Variants in C4orf51 observed in about 807,000 individuals in gnomAD.
C4orf51 encodes chromosome 4 open reading frame 51.
A neutral mutation model predicts 25.2 loss-of-function variants in C4orf51; 25 were observed. The ratio of observed to expected loss-of-function variants is 0.99; its 90% CI spans 0.72 to 1.39. C4orf51 has a LOEUF of 1.39. Ranked by LOEUF, C4orf51 falls within the 40% of genes most tolerant of loss-of-function variation. C4orf51 has a pLI of 0.00. For synonymous variants in C4orf51, 100 were observed against 84.5 expected (o/e 1.18, Z -1.01); for missense variants, 252 against 239.6 (o/e 1.05, Z -0.34).
chr4:145,692,849 G>A (rs538030642), intron 1 of C4orf51, among the ~76,000 whole-genome samples: 5 of 151,620 alleles, frequency 3.3e-5, no homozygotes, highest in African/African-American at 1.2e-4. Context: ...TGCTTGCTTA[G>A]AGTATCATAT....
In C4orf51 at chr4:145,731,564, CTTTTTTTTTTT is replaced by C. The variant is rs398051305; in HGVS notation, c.502-866_502-856del. Among the ~76,000 whole-genome samples the C allele has an allele frequency of 1.1e-3, 50 of 43,880 alleles. 1 individual carries two copies. Among genetic ancestry groups the C allele is most frequent in the African/African-American group, 4.2e-3 (42 of 10,062 alleles). The allele number at this position is 43,880 out of a possible 152,430, so 28.8% of individuals were successfully genotyped here. A position where few individuals can be genotyped will look rare whatever the true frequency, so the allele number is the denominator to read the frequency against. Reference sequence around the variant, plus strand: ...TTTTTATTTATGAGACAAGGCAAATCTTTTTTTTTTTTTTTTTTTTTTTTTTTTTTTTTGAG... The same window carrying C: ...TTTTTATTTATGAGACAAGGCAAATCTTTTTTTTTTTTTTTTTTTTTTGAG... On this transcript the variant is annotated intron_variant, in intron 5 of 5. Transcript: ENST00000438731.
At chr4:145,686,156 G>A (rs1729140472) in intron 1 of C4orf51, among the ~76,000 whole-genome samples, 1 of 152,124 alleles carries the variant, frequency 6.6e-6, no homozygotes, top group Non-Finnish European at 1.5e-5. Flanking sequence ...AGTGAATAAA[G>A]TCAGACATAA....
intron 2 of C4orf51, among the ~76,000 whole-genome samples, chr4:145,699,014 G>T (rs1730257619): frequency 6.6e-6 from 1 of 151,690 alleles, no homozygotes; most frequent in Non-Finnish European, 1.5e-5. Context: ...ATTACCTTGT[G>T]AAAGTCCTTT....
At chr4:145,688,355 C>T (rs1483671394) in intron 1 of C4orf51, among the ~76,000 whole-genome samples, 1 of 152,152 alleles carries the variant, frequency 6.6e-6, no homozygotes, top group Non-Finnish European at 1.5e-5. Context: ...AAACCATGTT[C>T]ATGAATTGAA....
intron 1 of C4orf51, among the ~76,000 whole-genome samples, chr4:145,737,961 T>C (rs1370166698): frequency 1.3e-5 from 2 of 152,210 alleles, no homozygotes; most frequent in African/African-American, 4.8e-5. Context: ...TAAATTCATC[T>C]GTATAGTAAA....
rs748184909 is a variant in C4orf51, at chr4:145,765,121, T to C, written n.167-5867T>C. Reference sequence around the variant, plus strand: ...TGTATCTGCAGATGACGCTCAAACATGTTCTTCGTCTTGCAGACAAAGTTG... The same window carrying C: ...TGTATCTGCAGATGACGCTCAAACACGTTCTTCGTCTTGCAGACAAAGTTG... On this transcript the variant is annotated intron_variant and non_coding_transcript_variant, in intron 1 of 1. Transcript: ENST00000510096. The surrounding 1 kb of genome is among the most constrained non-coding windows in gnomAD (Gnocchi z 4.7). The C allele has an allele frequency of 7.4e-6, 12 of 1,613,938 alleles. No homozygotes were observed. The highest frequency in any genetic ancestry group is 2.2e-5 in the East Asian group (1 of 44,870).
At chr4:145,730,655 T>C (rs1732407143) in intron 5 of C4orf51, among the ~76,000 whole-genome samples, 1 of 151,928 alleles carries the variant, frequency 6.6e-6, no homozygotes, top group African/African-American at 2.4e-5. Flanking sequence ...TCATCCTAAG[T>C]AATTATGTTT....
intron 1 of C4orf51, among the ~76,000 whole-genome samples, chr4:145,766,703 C>G (rs1735356378): frequency 3.3e-5 from 5 of 152,192 alleles, no homozygotes; most frequent in Admixed American, 2.6e-4. Flanking sequence ...AAGAGACTAC[C>G]CATAGTTGGA....
At position 145,765,846 on chromosome 4, in the gene C4orf51, G is replaced by A. The variant is rs1257316753; in HGVS notation, n.167-5142G>A. 6.9e-6 allele frequency: 8 copies of A among 1,156,340 alleles called. No individual in the cohort carries two copies. The East Asian group carries it at 1.0e-4, about 15-fold the overall frequency. 71.6% of individuals were successfully genotyped at this position (1,156,340 alleles called of 1,614,324 possible). A position where few individuals can be genotyped will look rare whatever the true frequency, so the allele number is the denominator to read the frequency against. ...TCATGGATGCATCATCATTCTGGGG[G>A]CACAGGCTCATGTCCCCAGCTCCCC... On this transcript the variant is annotated intron_variant and non_coding_transcript_variant, in intron 1 of 1. Coordinates refer to the C4orf51 transcript ENST00000510096. This position sits in a 1 kb window ranked among gnomAD's most constrained non-coding sequence, Gnocchi z 4.7.
exon 2 of C4orf51, chr4:145,771,017 A>G (rs1207530322): frequency 2.0e-5 from 3 of 152,338 alleles, no homozygotes; most frequent in Non-Finnish European, 2.9e-5. Flanking sequence ...TTTTAGCTGT[A>G]TGTGTTTCCT....
intron 1 of C4orf51, among the ~76,000 whole-genome samples, chr4:145,739,901 C>T (rs1351561648): frequency 6.6e-6 from 1 of 152,148 alleles, no homozygotes; most frequent in Non-Finnish European, 1.5e-5. Context: ...TATGCATAGT[C>T]TCTGCCTGAG....
intron 1 of C4orf51, among the ~76,000 whole-genome samples, chr4:145,689,449 A>G (rs1729394354): frequency 6.6e-6 from 1 of 152,060 alleles, no homozygotes; most frequent in African/African-American, 2.4e-5. Flanking sequence ...ATTTGTAAAA[A>G]CTCTTACAAA....
intron 2 of C4orf51, among the ~76,000 whole-genome samples, chr4:145,712,796 A>C (rs1731204534): frequency 6.6e-6 from 1 of 152,276 alleles, no homozygotes; most frequent in Non-Finnish European, 1.5e-5. Context: ...GATGCCATCT[A>C]GAACTTTCAT....
chr4:145,744,205 G>A (rs147846845), intron 1 of C4orf51, among the ~76,000 whole-genome samples: 3 of 152,080 alleles, frequency 2.0e-5, no homozygotes, highest in East Asian at 1.9e-4. Flanking sequence ...ATCTTGGGGG[G>A]AGAAATGGTT....
chr4:145,750,412 GTT>G (rs55700691), intron 1 of C4orf51, among the ~76,000 whole-genome samples: 32,581 of 108,682 alleles, frequency 0.3, 4,065 homozygotes, highest in East Asian at 0.64. Flanking sequence ...TAGGGTAAAA[GTT>G]TTTTTTTTTT....
chr4:145,790,040 T>C, the C4orf51 span, among the ~76,000 whole-genome samples: 1 of 152,246 alleles, frequency 6.6e-6, no homozygotes, highest in African/African-American at 2.4e-5. Context: ...TCAGGTCAGC[T>C]TTCACTTGCT....
At chr4:145,737,726 G>A (rs1334928061), downstream of C4orf51, among the ~76,000 whole-genome samples, 1 of 152,176 alleles carries the variant, frequency 6.6e-6, no homozygotes, top group Non-Finnish European at 1.5e-5. Context: ...AGACTGCTTT[G>A]GTTGATGAGC....
downstream of C4orf51, among the ~76,000 whole-genome samples, chr4:145,734,127 G>T (rs930989058): frequency 6.6e-6 from 1 of 152,196 alleles, no homozygotes; most frequent in African/African-American, 2.4e-5. Flanking sequence ...AGCAACATTG[G>T]TATGGTGGGG....
In C4orf51 at chr4:145,762,578, G is replaced by A. The variant is rs772370697; in HGVS notation, n.167-8410G>A. Among the ~76,000 whole-genome samples the A allele has an allele frequency of 7.2e-5, 11 of 152,088 alleles. No individual in the cohort carries two copies. Among genetic ancestry groups the A allele is most frequent in the African/African-American group, 1.2e-4 (5 of 41,410 alleles). ...CAATTTAGGTAGATTCTGGAAGGGC[G>A]GATGCTGGTCCCAGCTCCATCACCT... On this transcript the variant is annotated intron_variant and non_coding_transcript_variant, in intron 1 of 1. Coordinates refer to the C4orf51 transcript ENST00000510096. The surrounding 1 kb of genome is among the most constrained non-coding windows in gnomAD (Gnocchi z 4.9).
Sources: gnomAD v4.1 joint callset for allele counts (sites outside exome capture counted in the v4.1 genomes callset) on GRCh38, gnomAD v4.1.1 for gene constraint, Gnocchi (gnomAD v3.1) non-coding constraint, MANE v1.5 for transcripts, NCBI Gene and HGNC (gene_info 2026-07-23, HGNC 2026-07-21) for gene names.